Variants in KCNAB1 observed in about 807,000 individuals in gnomAD.
KCNAB1 encodes potassium voltage-gated channel subfamily A regulatory beta subunit 1.
In KCNAB1, 35 loss-of-function variants were observed where a neutral mutation model predicts 64.6. The observed-to-expected ratio is 0.54, with a 90% CI of 0.41 to 0.72. The LOEUF is 0.72. Ranked by LOEUF, KCNAB1 falls within the 30% of genes least tolerant of loss-of-function variation. The probability of loss-of-function intolerance (pLI) is 0.00; values close to 1 mark genes in which losing one functional copy is unlikely to be tolerated. For missense variants in KCNAB1, 401 were observed against 512.9 expected, an observed-to-expected ratio of 0.78 and a Z score of 2.11; for synonymous variants, 177 against 183.8, an observed-to-expected ratio of 0.96 and a Z score of 0.30.
At chr3:156,529,319 G>C (rs925750526) in intron 12 of KCNAB1, among the ~76,000 whole-genome samples, 2 of 152,116 alleles carry the variant, frequency 1.3e-5, no homozygotes, top group African/African-American at 4.8e-5. Flanking sequence ...GTGGCTGCCT[G>C]GTACTTGAGG....
intron 1 of KCNAB1, chr3:156,291,407 GCAT>G: frequency 1.0e-6 from 1 of 998,778 alleles, no homozygotes; most frequent in Non-Finnish European, 1.2e-6. Flanking sequence ...CGCCAGTTGA[GCAT>G]CCTGCCTGTG....
intron 1 of KCNAB1, among the ~76,000 whole-genome samples, chr3:156,255,473 A>C (rs1718049714): frequency 6.6e-6 from 1 of 152,092 alleles, no homozygotes; most frequent in Admixed American, 6.6e-5. Flanking sequence ...TCCTGAATTG[A>C]GTTTAGTAAG....
At chr3:156,144,186 A>C (rs1486762268) in intron 1 of KCNAB1, among the ~76,000 whole-genome samples, 2 of 152,170 alleles carry the variant, frequency 1.3e-5, no homozygotes, top group Admixed American at 1.3e-4. Flanking sequence ...AGTAAAAGCT[A>C]TTCAGAAGGA....
chr3:156,425,302 G>A (rs1715742454), intron 2 of KCNAB1, among the ~76,000 whole-genome samples: 1 of 152,224 alleles, frequency 6.6e-6, no homozygotes, highest in Non-Finnish European at 1.5e-5. Context: ...AGAAGGGGCA[G>A]CCGGAAATTC....
chr3:156,127,888 T>G (rs992561311), intron 1 of KCNAB1, among the ~76,000 whole-genome samples: 5 of 126,466 alleles, frequency 4.0e-5, no homozygotes, highest in South Asian at 2.6e-4. Context: ...ATTTGGGGTG[T>G]GTGTGTGTGT....
chr3:156,424,329 A>T (rs949252814), intron 2 of KCNAB1, among the ~76,000 whole-genome samples: 1 of 152,180 alleles, frequency 6.6e-6, no homozygotes, highest in African/African-American at 2.4e-5. Context: ...AAAGCCATCA[A>T]TGTCTGAGTT....
intron 1 of KCNAB1, among the ~76,000 whole-genome samples, chr3:156,284,724 G>A (rs1188578411): frequency 2.6e-5 from 4 of 152,154 alleles, no homozygotes; most frequent in Admixed American, 6.5e-5. Flanking sequence ...GGAGTGACCC[G>A]ATTTTCCAGG....
At chr3:156,259,954 C>T (rs575398826) in intron 1 of KCNAB1, among the ~76,000 whole-genome samples, 5 of 152,268 alleles carry the variant, frequency 3.3e-5, no homozygotes, top group African/African-American at 9.6e-5. Flanking sequence ...CAACGGGGAA[C>T]GTTTCTGGAT....
chr3:156,233,638 G>A (rs116670831), intron 1 of KCNAB1, among the ~76,000 whole-genome samples: 2,598 of 152,244 alleles, frequency 0.017, 47 homozygotes, highest in South Asian at 0.03. Context: ...AAGGGCAAAA[G>A]CAGAAAGGCC....
intron 12 of KCNAB1, among the ~76,000 whole-genome samples, chr3:156,530,241 A>G (rs1054025166): frequency 6.6e-6 from 1 of 152,196 alleles, no homozygotes; most frequent in African/African-American, 2.4e-5. Flanking sequence ...AAGAAAAGGC[A>G]AAAAGGAGAT....
intron 1 of KCNAB1, among the ~76,000 whole-genome samples, chr3:156,139,402 C>T (rs1714561431): frequency 6.6e-6 from 1 of 152,114 alleles, no homozygotes; most frequent in South Asian, 2.1e-4. Flanking sequence ...TTTCCTGGTT[C>T]ACCTGTGATT....
intron 1 of KCNAB1, among the ~76,000 whole-genome samples, chr3:156,192,122 C>CT (rs550523456): frequency 1.3e-3 from 204 of 152,220 alleles, no homozygotes; most frequent in African/African-American, 4.7e-3. Flanking sequence ...CATGTATACT[C>CT]TTTTTTTGGT....
Position 156,120,585 on chromosome 3 carries a change from TC to T in KCNAB1, c.-25del. 1 of 1,612,750 alleles carries T rather than the reference TC, an allele frequency of 6.2e-7. No homozygotes were observed. The highest frequency in any genetic ancestry group is 8.5e-7 in the Non-Finnish European group (1 of 1,179,192). Reference sequence around the variant, plus strand: ...TCAGATTACTTTGATGACAGTGACTTCCAGTCTTCTCTGAAAGATCTCCACG... The same window carrying T: ...TCAGATTACTTTGATGACAGTGACTTCAGTCTTCTCTGAAAGATCTCCACG... On this transcript the variant is annotated 5_prime_UTR_variant, in exon 1 of 14. Transcript: ENST00000490337.
At chr3:156,254,049 C>A (rs1717970373) in intron 1 of KCNAB1, among the ~76,000 whole-genome samples, 1 of 152,196 alleles carries the variant, frequency 6.6e-6, no homozygotes, top group Non-Finnish European at 1.5e-5. Flanking sequence ...TGTAAGGACA[C>A]AATGCCCTCT....
At chr3:156,240,417 A>C (rs1296119183) in intron 1 of KCNAB1, among the ~76,000 whole-genome samples, 1 of 152,170 alleles carries the variant, frequency 6.6e-6, no homozygotes, top group African/African-American at 2.4e-5. Context: ...AAAATGACGT[A>C]AAGAGTTTAT....
intron 1 of KCNAB1, among the ~76,000 whole-genome samples, chr3:156,208,776 A>G (rs1421376836): frequency 1.3e-5 from 2 of 152,206 alleles, no homozygotes; most frequent in Non-Finnish European, 2.9e-5. Context: ...CTAATTAGCC[A>G]GCATTCTTAC....
chr3:156,211,749 A>G (rs2108395309), intron 1 of KCNAB1, among the ~76,000 whole-genome samples: 1 of 152,348 alleles, frequency 6.6e-6, no homozygotes, highest in African/African-American at 2.4e-5. Flanking sequence ...TACTCAAAGG[A>G]AATGAATGAC....
Position 156,526,821 on chromosome 3 carries a change from G to A in KCNAB1, c.1081+2874G>A, listed in dbSNP as rs573321039. Reference sequence around the variant, plus strand: ...GAAATGAGATAAAAGAATTCATGTGGTAGCTATGAGAAAGGAATAAAATGG... The same window carrying A: ...GAAATGAGATAAAAGAATTCATGTGATAGCTATGAGAAAGGAATAAAATGG... On this transcript the variant is annotated intron_variant, in intron 12 of 13. Transcript: ENST00000490337. 4.6e-5 allele frequency among the ~76,000 whole-genome samples: 7 copies of A among 151,558 alleles called. No individual in the cohort carries two copies. In the South Asian group the frequency reaches 1.3e-3, roughly 27 times the overall value.
At chr3:156,384,208 G>A (rs1259972094) in intron 1 of KCNAB1, among the ~76,000 whole-genome samples, 1 of 152,202 alleles carries the variant, frequency 6.6e-6, no homozygotes, top group African/African-American at 2.4e-5. Flanking sequence ...TTGGAAAATG[G>A]TGAAACCCAG....
Sources: gnomAD v4.1 joint callset for allele counts (sites outside exome capture counted in the v4.1 genomes callset) on GRCh38, gnomAD v4.1.1 for gene constraint, MANE v1.5 for transcripts, NCBI Gene and HGNC (gene_info 2026-07-23, HGNC 2026-07-21) for gene names.